Variants in PTK2B observed in about 807,000 individuals in gnomAD.
PTK2B encodes the protein protein-tyrosine kinase 2-beta.
PTK2B carries 71 observed loss-of-function variants against 142.9 expected under a neutral mutation model. The ratio of observed to expected loss-of-function variants is 0.50; its 90% CI spans 0.41 to 0.61. PTK2B has a LOEUF of 0.61. Ranked by LOEUF, PTK2B falls within the 20% of genes least tolerant of loss-of-function variation. PTK2B has a pLI of 0.00. For missense variants in PTK2B, 1,105 were observed against 1,320.4 expected (o/e 0.84, Z 2.53); for synonymous variants, 519 against 503.4 (o/e 1.03, Z -0.42).
At position 27,440,254 on chromosome 8, in the gene PTK2B, A is replaced by C; in HGVS notation, c.1852A>C (p.Ile618Leu). Residue 618 changes from isoleucine to leucine, a missense_variant, in exon 21 of 31, where the codon ATC becomes CTC. Physicochemically the swap from Ile to Leu is conservative, Grantham distance 5. Transcript: ENST00000346049. ...VWMFAVCMWEILSFGKQPFFW... is the reference protein window; with the variant it reads ...VWMFAVCMWELLSFGKQPFFW... ...CACCCCAGCCGTGTGCATGTGGGAG[A>C]TCCTGAGCTTTGGGAAGCAGCCCTT... 6.2e-7 allele frequency: 1 copy of C among 1,614,100 alleles called. No homozygotes were observed. The highest frequency in any genetic ancestry group is 8.5e-7 in the Non-Finnish European group (1 of 1,180,018).
intron 5 of PTK2B, among the ~76,000 whole-genome samples, chr8:27,428,793 G>C (rs941251203): frequency 6.6e-5 from 10 of 151,986 alleles, no homozygotes; most frequent in African/African-American, 2.4e-4. Flanking sequence ...TTTCTTAAGA[G>C]GTAATTACTT....
At chr8:27,448,466 T>C (rs927362437) in intron 24 of PTK2B, among the ~76,000 whole-genome samples, 2 of 152,244 alleles carry the variant, frequency 1.3e-5, no homozygotes, top group South Asian at 4.1e-4. Flanking sequence ...TTCATTTTTC[T>C]CCTTGAGTTT....
At chr8:27,400,569 G>A (rs2115805) in intron 2 of PTK2B, among the ~76,000 whole-genome samples, 58,547 of 151,898 alleles carry the variant, frequency 0.39, 11,796 homozygotes, top group Middle Eastern at 0.5. Context: ...ATAAATCAAC[G>A]TAATTGAGTA....
At position 27,431,415 on chromosome 8, in the gene PTK2B, T is replaced by G. The variant is rs1484291543; in HGVS notation, c.828T>G (p.Thr276=). The G allele has an allele frequency of 6.2e-7, 1 of 1,614,100 alleles. No individual in the cohort carries two copies. Among genetic ancestry groups the G allele is most frequent in the Non-Finnish European group, 8.5e-7 (1 of 1,180,034 alleles). ...RCELIQGWNI[T]VDLVIGPKGI... ...TATTCCAGCAAGGATGGAACATTAC[T>G]GTGGACCTGGTCATTGGCCCTAAAG... Residue 276 remains threonine (T), a synonymous_variant, in exon 9 of 31, where the codon ACT becomes ACG. Transcript: ENST00000346049.
chr8:27,333,543 C>T (rs1803883701), intron 1 of PTK2B, among the ~76,000 whole-genome samples: 1 of 152,142 alleles, frequency 6.6e-6, no homozygotes, highest in African/African-American at 2.4e-5. Flanking sequence ...TGCAGGCATC[C>T]CCTGGAGGCT....
intron 2 of PTK2B, among the ~76,000 whole-genome samples, chr8:27,404,964 G>A (rs1808610075): frequency 6.6e-6 from 1 of 151,824 alleles, no homozygotes; most frequent in African/African-American, 2.4e-5. Context: ...AATGGGATTA[G>A]TGTCCTTATA....
intron 1 of PTK2B, among the ~76,000 whole-genome samples, chr8:27,393,689 G>A (rs1391648562): frequency 6.6e-6 from 1 of 152,134 alleles, no homozygotes; most frequent in East Asian, 1.9e-4. Context: ...TATTTTTAGA[G>A]AAGTTTTTGT....
intron 10 of PTK2B, 79 bp from the exon 11 acceptor site, chr8:27,433,356 G>T (rs530672032): frequency 7.9e-7 from 1 of 1,260,446 alleles, no homozygotes; most frequent in South Asian, 1.3e-5. Flanking sequence ...CAGGGGTCCT[G>T]CCATCTCTTC....
At chr8:27,370,198 G>A (rs1036678866) in intron 1 of PTK2B, among the ~76,000 whole-genome samples, 5 of 152,168 alleles carry the variant, frequency 3.3e-5, no homozygotes, top group African/African-American at 7.2e-5. Context: ...AAGGGAGCTC[G>A]ATGCTGCAAG....
chr8:27,367,301 T>A (rs1806074827), intron 1 of PTK2B, among the ~76,000 whole-genome samples: 1 of 152,204 alleles, frequency 6.6e-6, no homozygotes, highest in Non-Finnish European at 1.5e-5. Context: ...GACCCTCCTG[T>A]GGGCATGGTG....
intron 2 of PTK2B, among the ~76,000 whole-genome samples, chr8:27,406,890 A>G (rs930284183): frequency 9.2e-5 from 14 of 152,178 alleles, no homozygotes; most frequent in African/African-American, 3.4e-4. Flanking sequence ...CAGGCACTGC[A>G]TGTCACCGGA....
intron 2 of PTK2B, among the ~76,000 whole-genome samples, chr8:27,418,889 G>A (rs574180118): frequency 6.6e-5 from 10 of 152,276 alleles, no homozygotes; most frequent in Admixed American, 4.6e-4. Flanking sequence ...TTATCCAGGC[G>A]TGGTGGTGCC....
chr8:27,316,652 A>G (rs543398927), intron 3 of PTK2B, among the ~76,000 whole-genome samples: 153 of 152,360 alleles, frequency 1.0e-3, no homozygotes, highest in African/African-American at 3.6e-3. Flanking sequence ...AGAGTTACCA[A>G]GTAAATCTTT....
At chr8:27,350,604 G>C (rs1433696815) in intron 1 of PTK2B, among the ~76,000 whole-genome samples, 1 of 152,100 alleles carries the variant, frequency 6.6e-6, no homozygotes, top group Non-Finnish European at 1.5e-5. Flanking sequence ...GGGAACTCCT[G>C]CTTCGTAATA....
rs1468435936 is a variant in PTK2B, at chr8:27,432,372, C to G, written c.987+11C>G. On this transcript the variant is annotated intron_variant, in intron 10 of 30. Coordinates refer to ENST00000346049, the MANE Select transcript of PTK2B (RefSeq NM_173176.3). ...GAAGGTGCCCCCCAGGTGAGTGTCTCTGGGCACTGGGCACCTGGCAGCTCT... is the reference window on the plus strand; with the variant it reads ...GAAGGTGCCCCCCAGGTGAGTGTCTGTGGGCACTGGGCACCTGGCAGCTCT... 7 of 1,610,780 alleles carry G rather than the reference C, an allele frequency of 4.3e-6. No homozygotes were observed. The highest frequency in any genetic ancestry group is 1.7e-5 in the Admixed American group (1 of 59,960).
chr8:27,310,971 C>T, upstream of PTK2B: 1 of 1,612,200 alleles, frequency 6.2e-7, no homozygotes. Flanking sequence ...CAGCGCGCGC[C>T]CTCGGCCTCC....
At chr8:27,371,650 C>T (rs1199192699) in intron 1 of PTK2B, among the ~76,000 whole-genome samples, 3 of 152,032 alleles carry the variant, frequency 2.0e-5, no homozygotes, top group Non-Finnish European at 4.4e-5. Flanking sequence ...TGAGTTCAAG[C>T]AATTCTCCTG....
At chr8:27,386,232 A>C (rs1203505063) in intron 1 of PTK2B, among the ~76,000 whole-genome samples, 4 of 152,058 alleles carry the variant, frequency 2.6e-5, no homozygotes, top group African/African-American at 9.7e-5. Context: ...TTTGATTCTC[A>C]TTATTTCACT....
chr8:27,337,128 C>T (rs1804120221), intron 1 of PTK2B, among the ~76,000 whole-genome samples: 1 of 151,860 alleles, frequency 6.6e-6, no homozygotes, highest in Admixed American at 6.6e-5. Context: ...CAGAGTTGTG[C>T]AACCATCACC....
Sources: allele counts gnomAD v4.1 joint callset (sites outside exome capture counted in the v4.1 genomes callset), GRCh38; gene constraint gnomAD v4.1.1; transcripts MANE v1.5; gene names NCBI Gene and HGNC (gene_info 2026-07-23, HGNC 2026-07-21).